Variants in DUSP29 observed in about 807,000 individuals in gnomAD.
DUSP29 encodes the protein dual specificity phosphatase 29, also known as atypical dual-specific protein phosphatase.
A neutral mutation model predicts 13.5 loss-of-function variants in DUSP29; 12 were observed. The observed-to-expected ratio is 0.89, with a 90% CI of 0.57 to 1.44. The LOEUF is 1.44. Among genes scored for constraint, DUSP29 ranks in the 40% most tolerant of loss-of-function variants. DUSP29 has a pLI of 0.00. For synonymous variants in DUSP29, 134 were observed against 128.7 expected (o/e 1.04, Z -0.28); for missense variants, 308 against 301.1 (o/e 1.02, Z -0.17).
intron 3 of DUSP29, among the ~76,000 whole-genome samples, chr10:75,043,367 A>G (rs1487546758): frequency 6.6e-6 from 1 of 152,236 alleles, no homozygotes; most frequent in East Asian, 1.9e-4. Flanking sequence ...CCGCAGTCCC[A>G]GCTTTGAGAG....
At chr10:75,070,070 AAAGGAAGGAAGGAAGG>A (rs71024533) in intron 1 of DUSP29, among the ~76,000 whole-genome samples, 17,514 of 105,212 alleles carry the variant, frequency 0.17, 1,999 homozygotes, top group South Asian at 0.26. Context: ...AAGAAAGAAG[AAAGGAAGGAAGGAAGG>A]AAGGAAGGAA....
chr10:75,043,443 G>T (rs1332046727), intron 3 of DUSP29, among the ~76,000 whole-genome samples: 1 of 152,200 alleles, frequency 6.6e-6, no homozygotes, highest in African/African-American at 2.4e-5. Context: ...CGACCAAAAG[G>T]CCTTTTATTC....
chr10:75,043,747 CG>C, intron 3 of DUSP29, 49 bp downstream of exon 3: 2 of 1,130,172 alleles, frequency 1.8e-6, no homozygotes, highest in Non-Finnish European at 2.2e-6. Flanking sequence ...CGGGGCGAGT[CG>C]GGGCGGGGCG....
chr10:75,061,103 C>T (rs913942788), intron 1 of DUSP29, among the ~76,000 whole-genome samples: 5 of 152,024 alleles, frequency 3.3e-5, no homozygotes, highest in Admixed American at 6.6e-5. Context: ...AAGCTGGTCT[C>T]GAACTCCTGA....
chr10:75,067,361 A>AG (rs1221749287), intron 1 of DUSP29, among the ~76,000 whole-genome samples: 1 of 152,166 alleles, frequency 6.6e-6, no homozygotes, highest in East Asian at 1.9e-4. Context: ...ACCTCGGAGT[A>AG]GGGGGGATCT....
In DUSP29 at chr10:75,043,100, G is replaced by C. The variant is rs147993699; in HGVS notation, c.421+697C>G. 7.7e-3 allele frequency among the ~76,000 whole-genome samples: 1,177 copies of C among 152,362 alleles called. 16 individuals are homozygous for C. The highest frequency in any genetic ancestry group is 0.033 in the East Asian group (170 of 5,188). Reference sequence around the variant, plus strand: ...ATTTAAAAGCTGGATAATTAACACTGGGAAAACTTGGACGCTGGGGGTGCA... The same window carrying C: ...ATTTAAAAGCTGGATAATTAACACTCGGAAAACTTGGACGCTGGGGGTGCA... On this transcript the variant is annotated intron_variant, in intron 3 of 3. Transcript: ENST00000338487.
rs769867412 is a variant in DUSP29, at chr10:75,044,069, C to T, written c.201-52G>A. ...GGCGCGCGGCGCCCTGCCCCGGGTC[C>T]GGGAAACTCAGGGGCCACCCACGCT... is the stretch of plus-strand genomic sequence containing the variant. On this transcript the variant is annotated intron_variant, in intron 2 of 3. Coordinates refer to ENST00000338487, the MANE Select transcript of DUSP29 (RefSeq NM_001003892.3). 6 of 1,551,708 alleles carry T rather than the reference C, an allele frequency of 3.9e-6. No homozygotes were observed. In the South Asian group the frequency reaches 6.8e-5, roughly 18 times the overall value.
chr10:75,058,757 C>G (rs1487080684), intron 1 of DUSP29, among the ~76,000 whole-genome samples: 1 of 152,212 alleles, frequency 6.6e-6, no homozygotes, highest in Non-Finnish European at 1.5e-5. Context: ...ATGTTCCAAT[C>G]TTTCTAGAGA....
Position 75,038,118 on chromosome 10 carries a change from C to G in DUSP29, c.422-41G>C, listed in dbSNP as rs559581680. The G allele has an allele frequency of 8.2e-6, 13 of 1,589,006 alleles. No homozygotes were observed. In the South Asian group the frequency reaches 1.5e-4, roughly 18 times the overall value. On this transcript the variant is annotated intron_variant, in intron 3 of 3. Coordinates refer to ENST00000338487, the MANE Select transcript of DUSP29 (RefSeq NM_001003892.3). ...GGAGGAGAAAACCCACACTGAGGGG[C>G]AGGTGTTGGGGGCACAGGTAGGGCC...
chr10:75,042,829 G>A (rs919085088), intron 3 of DUSP29, among the ~76,000 whole-genome samples: 5 of 152,246 alleles, frequency 3.3e-5, no homozygotes, highest in Non-Finnish European at 5.9e-5. Context: ...CAGATACCCT[G>A]AATTATGTGA....
intron 3 of DUSP29, among the ~76,000 whole-genome samples, chr10:75,039,945 C>T (rs1369086006): frequency 2.0e-5 from 3 of 152,052 alleles, no homozygotes; most frequent in Non-Finnish European, 2.9e-5. Flanking sequence ...TTTGGGAAGC[C>T]GAGGTGGGTG....
chr10:75,049,669 C>T (rs149600831), intron 2 of DUSP29, among the ~76,000 whole-genome samples: 1 of 152,242 alleles, frequency 6.6e-6, no homozygotes, highest in Non-Finnish European at 1.5e-5. Context: ...ACCCACACCT[C>T]GAAGAAGCAG....
chr10:75,044,068 C>T (rs1426580082), intron 2 of DUSP29, 51 bp from the exon 3 acceptor site: 1 of 1,552,892 alleles, frequency 6.4e-7, no homozygotes, highest in East Asian at 2.3e-5. Context: ...TGCCCCGGGT[C>T]CGGGAAACTC....
chr10:75,048,524 C>T (rs894236714), intron 2 of DUSP29, among the ~76,000 whole-genome samples: 3 of 152,090 alleles, frequency 2.0e-5, no homozygotes, highest in South Asian at 4.2e-4. Context: ...CTCAGCCTCC[C>T]GAGTAGCTGA....
chr10:75,055,633 T>G (rs1846943612), intron 2 of DUSP29, among the ~76,000 whole-genome samples: 3 of 152,204 alleles, frequency 2.0e-5, no homozygotes. Flanking sequence ...GGTTTCCTTT[T>G]GAGGTGACAA....
At chr10:75,055,409 G>A (rs771174126) in intron 2 of DUSP29, among the ~76,000 whole-genome samples, 3 of 152,036 alleles carry the variant, frequency 2.0e-5, no homozygotes, top group South Asian at 2.1e-4. Flanking sequence ...ACAGAGATTG[G>A]CAATAAAAAG....
chr10:75,063,487 A>T (rs1158634151), intron 1 of DUSP29, among the ~76,000 whole-genome samples: 1 of 152,072 alleles, frequency 6.6e-6, no homozygotes, highest in Non-Finnish European at 1.5e-5. Context: ...ATCCCCCAGA[A>T]GTTGTCACCA....
intron 2 of DUSP29, among the ~76,000 whole-genome samples, chr10:75,047,209 A>C (rs1846725766): frequency 6.6e-6 from 1 of 152,156 alleles, no homozygotes. Flanking sequence ...GTATCCTCAC[A>C]CATCACTCTG....
intron 1 of DUSP29, among the ~76,000 whole-genome samples, chr10:75,059,340 CATTG>C (rs1847037447): frequency 6.6e-6 from 1 of 152,110 alleles, no homozygotes; most frequent in South Asian, 2.1e-4. Flanking sequence ...TGGAATTGGA[CATTG>C]ATTGTTTCCT....
Sources: gnomAD v4.1 joint callset for allele counts (sites outside exome capture counted in the v4.1 genomes callset) on GRCh38, gnomAD v4.1.1 for gene constraint, MANE v1.5 for transcripts, NCBI Gene and HGNC (gene_info 2026-07-23, HGNC 2026-07-21) for gene names.